The following PDILT variants were observed in gnomAD, a reference collection of about 807,000 sequenced individuals.
PDILT encodes the protein protein disulfide-isomerase-like protein of the testis.
In PDILT, 43 loss-of-function variants were observed where a neutral mutation model predicts 53.7. That is an observed-to-expected ratio of 0.80 (90% CI 0.63 to 1.03). The LOEUF is 1.03. PDILT is among the 50% of genes least tolerant of loss of function. The probability of loss-of-function intolerance (pLI) is 0.00; values close to 1 mark genes in which losing one functional copy is unlikely to be tolerated. For synonymous variants in PDILT, 282 were observed against 274.2 expected (o/e 1.03, Z -0.28); for missense variants, 727 against 712.3 (o/e 1.02, Z -0.24).
In PDILT at chr16:20,359,257, C is replaced by A; in HGVS notation, c.*62G>T. The A allele has an allele frequency of 1.9e-6, 3 of 1,568,618 alleles. No individual in the cohort carries two copies. The highest frequency in any genetic ancestry group is 2.6e-6 in the Non-Finnish European group (3 of 1,155,398). On this transcript the variant is annotated 3_prime_UTR_variant, in exon 12 of 12. Coordinates refer to ENST00000302451, the MANE Select transcript of PDILT (RefSeq NM_174924.2). The stretch of plus-strand genomic sequence containing the variant: ...GATATATGCTTTTATTGGAATCAAT[C>A]CATTCAGAAAATGATGCCAGGATCT...
intron 1 of PDILT, 57 bp from the exon 2 acceptor site, chr16:20,399,364 G>A (rs891070579): frequency 2.1e-5 from 33 of 1,551,700 alleles, no homozygotes; most frequent in East Asian, 1.4e-4. Context: ...GGAGCCCCAC[G>A]TCATCACCCC....
At chr16:20,384,904 C>A in intron 2 of PDILT, 53 bp from the exon 3 acceptor site, 1 of 1,548,160 alleles carries the variant, frequency 6.5e-7, no homozygotes, top group Non-Finnish European at 8.9e-7. Flanking sequence ...TCCCCATCTC[C>A]AACAGTAGAT....
rs1417974459 is a variant in PDILT, at chr16:20,399,094, C to G, written c.202+5G>C. The G allele has an allele frequency of 6.2e-7, 1 of 1,614,014 alleles. No individual in the cohort carries two copies. Among genetic ancestry groups the G allele is most frequent in the African/African-American group, 1.3e-5 (1 of 74,934 alleles). On this transcript the variant is annotated splice_donor_5th_base_variant and intron_variant, in intron 2 of 11. Transcript: ENST00000302451. ...TCATCCATCACCCAGGATGGGGGCACTCACGGAAAAGCACCATGAGGAAGC... is the reference window on the plus strand; with the variant it reads ...TCATCCATCACCCAGGATGGGGGCAGTCACGGAAAAGCACCATGAGGAAGC...
chr16:20,392,172 T>C (rs1966613219), intron 2 of PDILT, among the ~76,000 whole-genome samples: 1 of 151,968 alleles, frequency 6.6e-6, no homozygotes, highest in Non-Finnish European at 1.5e-5. Flanking sequence ...CCACAGGACG[T>C]GGTGATGGAT....
chr16:20,382,611 T>C (rs1966476071), intron 3 of PDILT, among the ~76,000 whole-genome samples: 1 of 152,210 alleles, frequency 6.6e-6, no homozygotes, highest in Admixed American at 6.5e-5. Context: ...AAAGCACCTC[T>C]TATATTGGGG....
chr16:20,390,028 A>C (rs1191612313), intron 2 of PDILT, among the ~76,000 whole-genome samples: 1 of 152,182 alleles, frequency 6.6e-6, no homozygotes, highest in Non-Finnish European at 1.5e-5. Flanking sequence ...AGAATTATCT[A>C]GTCAAATGTC....
At chr16:20,365,673 A>G in intron 8 of PDILT, 133 bp from the exon 9 acceptor site, 2 of 1,140,022 alleles carry the variant, frequency 1.8e-6, no homozygotes, top group South Asian at 3.0e-5. Flanking sequence ...AGGGTTTGAA[A>G]TACTGAGATG....
At chr16:20,362,661 T>A in intron 9 of PDILT, 79 bp from the exon 10 acceptor site, 1 of 1,400,506 alleles carries the variant, frequency 7.1e-7, no homozygotes, top group Non-Finnish European at 9.9e-7. Flanking sequence ...ATGGCATCGC[T>A]GTGTTCCACT....
In PDILT at chr16:20,374,950, C is replaced by T. The variant is rs1695570481; in HGVS notation, c.553G>A (p.Glu185Lys). The change falls in exon 5 of 12, where the codon GAA becomes AAA. Residue 185 changes from glutamate (E) to lysine (K), a missense_variant. Physicochemically the swap from Glu to Lys is moderately conservative, Grantham distance 56 (BLOSUM62 1). Coordinates refer to ENST00000302451, the MANE Select transcript of PDILT (RefSeq NM_174924.2). The part of the protein sequence containing the change: ...VIVGFFQDLE[E>K]EVAELFYDVI... Reference sequence around the variant, plus strand: ...TCATAGAACAACTCTGCTACTTCTTCCTCTAAATCCTATTTGGGAAAGGAT... The same window carrying T: ...TCATAGAACAACTCTGCTACTTCTTTCTCTAAATCCTATTTGGGAAAGGAT... 6.2e-7 allele frequency: 1 copy of T among 1,606,612 alleles called. No individual in the cohort carries two copies. The highest frequency in any genetic ancestry group is 8.5e-7 in the Non-Finnish European group (1 of 1,175,886).
intron 3 of PDILT, among the ~76,000 whole-genome samples, chr16:20,378,389 TCTC>T (rs1000367519): frequency 4.6e-5 from 7 of 151,934 alleles, no homozygotes; most frequent in African/African-American, 1.7e-4. Flanking sequence ...TACTTCTTCT[TCTC>T]CTTCTTCTCC....
intron 3 of PDILT, among the ~76,000 whole-genome samples, chr16:20,381,648 A>AAG (rs1567326824): frequency 6.6e-6 from 1 of 150,380 alleles, no homozygotes; most frequent in Admixed American, 6.6e-5. Flanking sequence ...AAAAAAAAAA[A>AAG]AAAAAAAGAG....
In PDILT at chr16:20,380,734, A is replaced by G. The variant is rs565846312; in HGVS notation, c.409+3911T>C. 3.3e-5 allele frequency among the ~76,000 whole-genome samples: 5 copies of G among 152,350 alleles called. No individual in the cohort carries two copies. In the South Asian group the frequency reaches 1.0e-3, roughly 32 times the overall value. ...GTGTGAGCTCCCAGTAAGCTCCTGT[A>G]ATGCCTGGCACATAGTAGATGCTTA... On this transcript the variant is annotated intron_variant, in intron 3 of 11. Transcript: ENST00000302451.
chr16:20,396,635 TG>T (rs1966666015), intron 2 of PDILT, among the ~76,000 whole-genome samples: 2 of 152,364 alleles, frequency 1.3e-5, no homozygotes, highest in South Asian at 4.1e-4. Context: ...CTGCTGCAGT[TG>T]AAAGAATCAC....
rs1183728917 is a variant in PDILT at position 20,366,975 on chromosome 16, CCTTCCTTCCTTCCTTT to C, written c.1117-1451_1117-1436del. On this transcript the variant is annotated intron_variant, in intron 8 of 11. Transcript: ENST00000302451. ...TCCTTCCTTCCTTCCTTCCTTCCTT[CCTTCCTTCCTTCCTTT>C]CTTTCTTTCTTTATTTATTTCTCTC... Among the ~76,000 whole-genome samples, 22 of 44,476 alleles carry C rather than the reference CCTTCCTTCCTTCCTTT, an allele frequency of 4.9e-4. 1 individual carries two copies. The highest frequency in any genetic ancestry group is 0.013 in the Middle Eastern group (1 of 76). The allele number at this position is 44,476 out of a possible 152,430, so 29.2% of individuals were successfully genotyped here.
intron 3 of PDILT, among the ~76,000 whole-genome samples, chr16:20,380,209 C>G (rs1186610513): frequency 6.6e-5 from 10 of 152,170 alleles, no homozygotes; most frequent in African/African-American, 2.4e-4. Context: ...GATGGGCTGC[C>G]CTTTCCTCAG....
At chr16:20,380,729 C>T (rs1421781609) in intron 3 of PDILT, among the ~76,000 whole-genome samples, 2 of 152,190 alleles carry the variant, frequency 1.3e-5, no homozygotes, top group South Asian at 2.1e-4. Context: ...CCAGTAAGCT[C>T]CTGTAATGCC....
At chr16:20,365,332 G>T in intron 9 of PDILT, 88 bp downstream of exon 9, 1 of 1,488,576 alleles carries the variant, frequency 6.7e-7, no homozygotes, top group South Asian at 1.2e-5. Context: ...ATGGGTTTTA[G>T]AGATTTCAGT....
chr16:20,385,995 T>C (rs924318358), intron 2 of PDILT: 5 of 151,962 alleles, frequency 3.3e-5, no homozygotes, highest in African/African-American at 1.2e-4. Context: ...TGCATGTAAT[T>C]GGACAGGGGA....
At chr16:20,385,114 C>T (rs373970152) in intron 2 of PDILT, among the ~76,000 whole-genome samples, 2 of 152,184 alleles carry the variant, frequency 1.3e-5, no homozygotes, top group South Asian at 2.1e-4. Flanking sequence ...TCTCTGAGCT[C>T]CACTTCTCTT....
Sources: gnomAD v4.1 joint callset for allele counts (sites outside exome capture counted in the v4.1 genomes callset) on GRCh38, gnomAD v4.1.1 for gene constraint, MANE v1.5 for transcripts, NCBI Gene and HGNC (gene_info 2026-07-23, HGNC 2026-07-21) for gene names.